DNAH11: variants seen among roughly 807,000 people sequenced by gnomAD.
The protein encoded by DNAH11 is axonemal beta dynein heavy chain 11.
Under a neutral mutation model 526.0 loss-of-function variants are expected in DNAH11, and 442 were observed. The ratio of observed to expected loss-of-function variants is 0.84; its 90% CI spans 0.78 to 0.91. DNAH11 has a LOEUF of 0.91. DNAH11 is among the 40% of genes least tolerant of loss of function. The pLI is 0.00. For missense variants in DNAH11, 6,989 were observed against 5,448.7 expected (o/e 1.28, Z -8.90); for synonymous variants, 2,461 against 1,935.9 (o/e 1.27, Z -7.12).
intron 25 of DNAH11, among the ~76,000 whole-genome samples, chr7:21,628,324 T>C (rs1257327162): frequency 6.6e-6 from 1 of 152,152 alleles, no homozygotes; most frequent in Non-Finnish European, 1.5e-5. Flanking sequence ...CTTCTAATAC[T>C]ATATTGAATA....
At position 21,704,595 on chromosome 7, in the gene DNAH11, C is replaced by T. The variant is rs577550589; in HGVS notation, c.6435C>T (p.Leu2145=). ...EQMVRQSTLE[L]RLQPEESFIL... ...TGGTCAGGCAGTCTACCCTGGAGCT[C>T]CGCCTGCAGCCTGAAGAGAGCTTCA... The change falls in exon 38 of 82, where the codon CTC becomes CTT. Residue 2145 remains leucine, a synonymous_variant. Coordinates refer to ENST00000409508, the MANE Select transcript of DNAH11 (RefSeq NM_001277115.2). 8.1e-6 allele frequency: 13 copies of T among 1,608,822 alleles called. No individual in the cohort carries two copies. In the South Asian group the frequency reaches 8.9e-5, roughly 11 times the overall value.
chr7:21,615,331 T>C, intron 21 of DNAH11, 59 bp downstream of exon 21: 1 of 1,575,366 alleles, frequency 6.3e-7, no homozygotes, highest in Non-Finnish European at 8.6e-7. Context: ...CATATGCAGT[T>C]TGTGGAGCCT....
chr7:21,820,351 A>G (rs1790002275), intron 65 of DNAH11, among the ~76,000 whole-genome samples: 2 of 152,230 alleles, frequency 1.3e-5, no homozygotes, highest in South Asian at 4.1e-4. Flanking sequence ...TGATAGACGT[A>G]TACATGGCAA....
intron 54 of DNAH11, among the ~76,000 whole-genome samples, chr7:21,751,287 G>A (rs2906694): frequency 0.93 from 141,997 of 152,212 alleles, 66,333 homozygotes; most frequent in African/African-American, 0.95. Flanking sequence ...TCGCGCCATT[G>A]TACTCCAGCC....
At position 21,570,282 on chromosome 7, in the gene DNAH11, C is replaced by A. The variant is rs374144841; in HGVS notation, c.1408C>A (p.Arg470Ser). The A allele has an allele frequency of 1.9e-5, 30 of 1,603,932 alleles. No homozygotes were observed. Among genetic ancestry groups the A allele is most frequent in the African/African-American group, 1.2e-4 (9 of 74,198 alleles). The change falls in exon 7 of 82, where the codon CGT (arginine) becomes AGT (serine). Residue 470 changes from arginine to serine, a missense_variant. By Grantham distance (110) the Arg-to-Ser change is moderately radical (BLOSUM62 -1). Transcript: ENST00000409508. Reference protein sequence around the residue: ...VFCRFDKFLDRLIKIEDIFAT... With the variant: ...VFCRFDKFLDSLIKIEDIFAT... ...TTGCAGATTTGACAAGTTTCTTGAT[C>A]GTTTAATAAAAATAGAGGTATTCAT... is the stretch of plus-strand genomic sequence containing the variant.
chr7:21,600,581 C>G, intron 15 of DNAH11, 95 bp from the exon 16 acceptor site: 1 of 1,299,658 alleles, frequency 7.7e-7, no homozygotes, highest in Non-Finnish European at 1.0e-6. Context: ...TAACTACTCT[C>G]CCTTTGAAGA....
chr7:21,825,166 G>A (rs537711119), intron 65 of DNAH11, among the ~76,000 whole-genome samples: 24 of 152,172 alleles, frequency 1.6e-4, no homozygotes, highest in Admixed American at 3.3e-4. Flanking sequence ...CCACCACACC[G>A]GGTCTATTAC....
At chr7:21,618,976 C>T (rs771001716) in intron 23 of DNAH11, 124 bp from the exon 24 acceptor site, 188 of 1,231,754 alleles carry the variant, frequency 1.5e-4, no homozygotes, top group East Asian at 2.7e-4. Flanking sequence ...TATTTCAAGA[C>T]GAGAGATGTA....
intron 45 of DNAH11, among the ~76,000 whole-genome samples, chr7:21,729,827 C>A (rs1214581971): frequency 1.3e-5 from 2 of 152,198 alleles, no homozygotes; most frequent in Non-Finnish European, 2.9e-5. Flanking sequence ...ACTATTCTAT[C>A]CTTTTGTCTT....
chr7:21,543,614 A>G lies in DNAH11; in HGVS notation c.351+18A>G, dbSNP rs1462292533. 9 of 1,568,648 alleles carry G rather than the reference A, an allele frequency of 5.7e-6. No individual in the cohort carries two copies. The highest frequency in any genetic ancestry group is 7.8e-6 in the Non-Finnish European group (9 of 1,156,268). ...CCCAGGAGGTAAGAGGCGACGGGCA[A>G]GGGGACCTGCCCATCCAACAAAACT... On this transcript the variant is annotated intron_variant, in intron 1 of 81. Coordinates refer to ENST00000409508, the MANE Select transcript of DNAH11 (RefSeq NM_001277115.2).
Position 21,741,822 on chromosome 7 carries a change from A to C in DNAH11, c.7915-105A>C, listed in dbSNP as rs1286659781. 5 of 1,307,888 alleles carry C rather than the reference A, an allele frequency of 3.8e-6. No homozygotes were observed. The South Asian group carries it at 7.4e-5, about 19-fold the overall frequency. The allele number at this position is 1,307,888 out of a possible 1,614,324, so 81.0% of individuals were successfully genotyped here. A position where few individuals can be genotyped will look rare whatever the true frequency, so the allele number is the denominator to read the frequency against. ...TCAGAGTGGAGCACTAAAAAGCTAC[A>C]TGGTAATGGGCCTGGATACAGGGAG... On this transcript the variant is annotated intron_variant, in intron 48 of 81. Coordinates refer to ENST00000409508, the MANE Select transcript of DNAH11 (RefSeq NM_001277115.2).
chr7:21,778,279 A>G (rs762218266), intron 56 of DNAH11, among the ~76,000 whole-genome samples: 1 of 152,174 alleles, frequency 6.6e-6, no homozygotes, highest in Non-Finnish European at 1.5e-5. Flanking sequence ...TGATGGACTG[A>G]TGGGAGACGT....
At chr7:21,572,615 G>A (rs541263393) in intron 8 of DNAH11, among the ~76,000 whole-genome samples, 5 of 152,142 alleles carry the variant, frequency 3.3e-5, no homozygotes, top group Non-Finnish European at 7.4e-5. Flanking sequence ...AAAGAATGAA[G>A]ATTTAGCTCT....
rs118019530 is a variant in DNAH11, at chr7:21,581,518, A to G, written c.1594-387A>G. On this transcript the variant is annotated intron_variant, in intron 8 of 81. Transcript: ENST00000409508. ...TTAAACTTATAGATGGACTAAAGTT[A>G]TAATGAGGATAGGTTCTTTTTTCTT... 5.6e-4 allele frequency among the ~76,000 whole-genome samples: 86 copies of G among 152,370 alleles called. No individual in the cohort carries two copies. The East Asian group carries it at 0.016, about 28-fold the overall frequency.
rs200223750 is a variant in DNAH11, at chr7:21,711,793, G to T, written c.6916G>T (p.Ala2306Ser). ...GTTTGAGATACATCACTTAAGGAGC[G>T]CAACCCCGGCCACTGTTTCCAGAGC... ...LLFEIHHLRSATPATVSRAGI... is the reference protein window; with the variant it reads ...LLFEIHHLRSSTPATVSRAGI... The change falls in exon 42 of 82, where the codon GCA (alanine) becomes TCA (serine). Residue 2306 changes from alanine (A) to serine (S), a missense_variant. By Grantham distance (99) the Ala-to-Ser change is moderately conservative. Coordinates refer to ENST00000409508, the MANE Select transcript of DNAH11 (RefSeq NM_001277115.2). 6.2e-7 allele frequency: 1 copy of T among 1,613,840 alleles called. No individual in the cohort carries two copies. The highest frequency in any genetic ancestry group is 2.2e-5 in the East Asian group (1 of 44,878).
Position 21,692,152 on chromosome 7 carries a change from T to C in DNAH11, c.6041+1271T>C, listed in dbSNP as rs140461413. 5.3e-3 allele frequency among the ~76,000 whole-genome samples: 802 copies of C among 152,350 alleles called. 3 individuals are homozygous for C. The highest frequency in any genetic ancestry group is 0.014 in the South Asian group (66 of 4,830). The stretch of plus-strand genomic sequence containing the variant: ...AATTTTGCAGAATTGAAATATGGTT[T>C]ATGTTTTATTAGAGAAAGAGAGATC... On this transcript the variant is annotated intron_variant, in intron 35 of 81. Transcript: ENST00000409508.
intron 28 of DNAH11, among the ~76,000 whole-genome samples, chr7:21,648,891 C>A (rs540700081): frequency 3.5e-4 from 54 of 152,142 alleles, no homozygotes; most frequent in African/African-American, 1.1e-3. Context: ...TTTTTCCCTT[C>A]CTGAATACCT....
chr7:21,701,739 G>C (rs374671827), intron 36 of DNAH11, among the ~76,000 whole-genome samples: 1 of 152,028 alleles, frequency 6.6e-6, no homozygotes, highest in African/African-American at 2.4e-5. Context: ...TTGTTTTACC[G>C]CCCACAAAAA....
intron 32 of DNAH11, among the ~76,000 whole-genome samples, chr7:21,686,650 A>T (rs1783386891): frequency 6.7e-6 from 1 of 149,040 alleles, no homozygotes; most frequent in Admixed American, 6.7e-5. Flanking sequence ...TATTTATAGA[A>T]ATTACATATC....
Sources: allele counts gnomAD v4.1 joint callset (sites outside exome capture counted in the v4.1 genomes callset), GRCh38; gene constraint gnomAD v4.1.1; transcripts MANE v1.5; gene names NCBI Gene and HGNC (gene_info 2026-07-23, HGNC 2026-07-21).